The following HCN4 variants were observed in gnomAD, a reference collection of about 807,000 sequenced individuals.
HCN4 encodes potassium/sodium hyperpolarization-activated cyclic nucleotide-gated channel 4.
In HCN4, 29 loss-of-function variants were observed where a neutral mutation model predicts 76.9. That is an observed-to-expected ratio of 0.38 (90% CI 0.28 to 0.51). The LOEUF is 0.51. Among genes scored for constraint, HCN4 ranks in the 20% least tolerant of loss-of-function variants. The pLI, the probability that HCN4 is intolerant of heterozygous loss-of-function variation, is 0.90. For missense variants in HCN4, 1,416 were observed against 1,715.2 expected, an observed-to-expected ratio of 0.83 and a Z score of 3.08; for synonymous variants, 772 against 762.5, an observed-to-expected ratio of 1.01 and a Z score of -0.21.
At chr15:73,324,059 C>G (rs1386887445) in intron 7 of HCN4, 30 bp downstream of exon 7, 2 of 1,610,322 alleles carry the variant, frequency 1.2e-6, no homozygotes, top group East Asian at 4.5e-5. Context: ...ACACCCCCCA[C>G]CTGCCCCGCC....
In HCN4 at chr15:73,322,897, G is replaced by A; in HGVS notation, c.3196C>T (p.Pro1066Ser). The A allele has an allele frequency of 6.9e-7, 1 of 1,439,564 alleles. No individual in the cohort carries two copies. 89.2% of individuals were successfully genotyped at this position (1,439,564 alleles called of 1,614,324 possible). A position where few individuals can be genotyped will look rare whatever the true frequency, so the allele number is the denominator to read the frequency against. Reference sequence around the variant, plus strand: ...AGCGGGGGTGTGCCCCGGCGCTGGGGGACCTGGGGTGGTGGGGGGCTGGAT... The same window carrying A: ...AGCGGGGGTGTGCCCCGGCGCTGGGAGACCTGGGGTGGTGGGGGGCTGGAT... ...PASSPPPPQV[P>S]QRRGTPPLTP... Residue 1066 changes from proline to serine, a missense_variant, in exon 8 of 8, where the codon CCC becomes TCC. Coordinates refer to ENST00000261917, the MANE Select transcript of HCN4 (RefSeq NM_005477.3).
intron 2 of HCN4, among the ~76,000 whole-genome samples, chr15:73,336,531 T>C (rs1286825956): frequency 2.0e-5 from 3 of 152,034 alleles, no homozygotes; most frequent in Admixed American, 1.3e-4. Context: ...GCTGTCTCGG[T>C]CTATCTCTAC....
chr15:73,354,789 A>G (rs2043070475), intron 1 of HCN4, among the ~76,000 whole-genome samples: 1 of 152,154 alleles, frequency 6.6e-6, no homozygotes. Flanking sequence ...CATCATCATC[A>G]TCATCATCAT....
rs746461789 is a variant in HCN4 at position 73,332,199 on chromosome 15, G to A, written c.1303C>T (p.Leu435=). 139 of 1,614,130 alleles carry A rather than the reference G, an allele frequency of 8.6e-5. No individual in the cohort carries two copies. The Middle Eastern group carries it at 9.9e-4, about 11-fold the overall frequency. ...TGTAGCATGGGTACCAGGAACTGCAGGCAGCCGTCCCAGTGGCAGAGCAGG... is the reference window on the plus strand; with the variant it reads ...TGTAGCATGGGTACCAGGAACTGCAAGCAGCCGTCCCAGTGGCAGAGCAGG... ...MLLLCHWDGC[L]QFLVPMLQDF... The change falls in exon 3 of 8, where the codon CTG becomes TTG. Residue 435 remains leucine (L), a synonymous_variant. Transcript: ENST00000261917.
In HCN4 at chr15:73,367,374, G is replaced by A; in HGVS notation, c.785+112C>T. On this transcript the variant is annotated intron_variant, in intron 1 of 7. Transcript: ENST00000261917. This position sits in a 1 kb window ranked among gnomAD's most constrained non-coding sequence, Gnocchi z 7.5. ...AGCCTAGAGGCGCCCTGCCTCTCTT[G>A]GAGCTCCCAGCGCAAGGCAGGAAAG... The A allele has an allele frequency of 6.6e-7, 1 of 1,519,804 alleles. No individual in the cohort carries two copies. Among genetic ancestry groups the A allele is most frequent in the South Asian group, 1.2e-5 (1 of 80,826 alleles). 94.1% of individuals were successfully genotyped at this position (1,519,804 alleles called of 1,614,324 possible).
intron 1 of HCN4, among the ~76,000 whole-genome samples, chr15:73,361,092 T>C (rs536223449): frequency 6.6e-6 from 1 of 152,366 alleles, no homozygotes; most frequent in East Asian, 1.9e-4. Flanking sequence ...TTTAAAAACA[T>C]TGGCTCAGAT....
chr15:73,339,737 A>C (rs2042988574), intron 2 of HCN4, among the ~76,000 whole-genome samples: 1 of 152,136 alleles, frequency 6.6e-6, no homozygotes, highest in Non-Finnish European at 1.5e-5. Context: ...TCTCATGTGG[A>C]CCTAGGGCTC....
intron 4 of HCN4, among the ~76,000 whole-genome samples, chr15:73,327,508 C>G (rs1053934820): frequency 6.6e-6 from 1 of 152,024 alleles, no homozygotes; most frequent in Non-Finnish European, 1.5e-5. Flanking sequence ...ATGCTGAGCC[C>G]CACCCCAGTC....
At chr15:73,351,185 T>G (rs1164360662) in intron 1 of HCN4, among the ~76,000 whole-genome samples, 1 of 152,018 alleles carries the variant, frequency 6.6e-6, no homozygotes, top group Non-Finnish European at 1.5e-5. Context: ...TCTCACTGCC[T>G]CTCCTTTCCC....
At chr15:73,355,909 G>A (rs1285865920) in intron 1 of HCN4, among the ~76,000 whole-genome samples, 1 of 152,200 alleles carries the variant, frequency 6.6e-6, no homozygotes, top group Non-Finnish European at 1.5e-5. Context: ...GAAGATGGGG[G>A]AGGTAACAAG....
chr15:73,367,530 G>A lies in HCN4; in HGVS notation c.741C>T (p.Val247=). The part of the protein sequence containing the change: ...QKAVEREQER[V]KSAGFWIIHP... ...GGATAATCCAAAATCCGGCCGACTT[G>A]ACCCTCTCCTGTTCGCGCTCCACGG... The change falls in exon 1 of 8, where the codon GTC becomes GTT. Residue 247 remains valine (V), a synonymous_variant. Coordinates refer to ENST00000261917, the MANE Select transcript of HCN4 (RefSeq NM_005477.3). This position sits in a 1 kb window ranked among gnomAD's most constrained non-coding sequence, Gnocchi z 7.5. 2 of 1,614,048 alleles carry A rather than the reference G, an allele frequency of 1.2e-6. No homozygotes were observed. The highest frequency in any genetic ancestry group is 1.7e-6 in the Non-Finnish European group (2 of 1,180,020).
Position 73,332,250 on chromosome 15 carries a change from T to A in HCN4, c.1252A>T (p.Ile418Phe). ...TYDLASAVVR[I>F]VNLIGMMLLL... ...AGCATCATGCCGATGAGGTTCACGATGCGCACCACGGCGCTGGCCAGGTCG... is the reference window on the plus strand; with the variant it reads ...AGCATCATGCCGATGAGGTTCACGAAGCGCACCACGGCGCTGGCCAGGTCG... The change falls in exon 3 of 8, where the codon ATC becomes TTC. Residue 418 changes from isoleucine (I) to phenylalanine (F), a missense_variant. Physicochemically the swap from Ile to Phe is conservative, Grantham distance 21. This residue lies in a region of HCN4 where 112 missense variants were observed against 259.9 expected (regional missense o/e 0.43). Coordinates refer to ENST00000261917, the MANE Select transcript of HCN4 (RefSeq NM_005477.3). 6.2e-7 allele frequency: 1 copy of A among 1,614,214 alleles called. No individual in the cohort carries two copies. The highest frequency in any genetic ancestry group is 8.5e-7 in the Non-Finnish European group (1 of 1,180,030).
At chr15:73,357,363 G>A (rs1056815032) in intron 1 of HCN4, among the ~76,000 whole-genome samples, 7 of 152,102 alleles carry the variant, frequency 4.6e-5, no homozygotes, top group South Asian at 2.1e-4. Flanking sequence ...TCTGGGACAC[G>A]TTGAACGGCT....
Position 73,366,437 on chromosome 15 carries a change from A to C in HCN4, c.785+1049T>G, listed in dbSNP as rs75825435. On this transcript the variant is annotated intron_variant, in intron 1 of 7. Coordinates refer to ENST00000261917, the MANE Select transcript of HCN4 (RefSeq NM_005477.3). ...CAGAGAAAGAGAGAATGAGAGAATTAAACCCAGCTTGAAAAGTGTTTCCCA... is the reference window on the plus strand; with the variant it reads ...CAGAGAAAGAGAGAATGAGAGAATTCAACCCAGCTTGAAAAGTGTTTCCCA... 1.8e-3 allele frequency among the ~76,000 whole-genome samples: 281 copies of C among 152,292 alleles called. 1 individual carries two copies. The highest frequency in any genetic ancestry group is 0.014 in the Middle Eastern group (4 of 294).
chr15:73,368,818 C>A lies in HCN4; in HGVS notation c.-548G>T, dbSNP rs1015737209. The stretch of plus-strand genomic sequence containing the variant: ...CCCGTCCCGGGGCTCCCGCCGCAAC[C>A]GAGCGGAGCCCAGCGACCCGCCGGG... On this transcript the variant is annotated 5_prime_UTR_variant, in exon 1 of 8. Coordinates refer to ENST00000261917, the MANE Select transcript of HCN4 (RefSeq NM_005477.3). The surrounding 1 kb of genome is among the most constrained non-coding windows in gnomAD (Gnocchi z 6.9). The A allele has an allele frequency of 2.0e-5, 3 of 152,128 alleles. No individual in the cohort carries two copies. The highest frequency in any genetic ancestry group is 4.4e-5 in the Non-Finnish European group (3 of 68,010). The allele number at this position is 152,128 out of a possible 1,614,324, so 9.4% of individuals were successfully genotyped here.
intron 1 of HCN4, among the ~76,000 whole-genome samples, chr15:73,365,790 CA>C (rs1391599747): frequency 1.3e-5 from 2 of 152,158 alleles, no homozygotes; most frequent in Non-Finnish European, 2.9e-5. Context: ...TTTCTGACAA[CA>C]AAAACAGCAG....
chr15:73,341,072 GTGT>G (rs1567784618), intron 2 of HCN4: 13 of 20,374 alleles, frequency 6.4e-4, no homozygotes, highest in Middle Eastern at 0.05. Context: ...GGAGGTAGGT[GTGT>G]GTGTGTGTGT....
intron 1 of HCN4, among the ~76,000 whole-genome samples, chr15:73,348,595 A>G (rs1277969900): frequency 6.6e-6 from 1 of 152,230 alleles, no homozygotes; most frequent in Non-Finnish European, 1.5e-5. Context: ...TGTCATTAAA[A>G]TATTTTCCAC....
intron 2 of HCN4, among the ~76,000 whole-genome samples, chr15:73,336,810 C>T (rs999266340): frequency 5.9e-5 from 9 of 152,150 alleles, no homozygotes; most frequent in Admixed American, 3.9e-4. Flanking sequence ...CACTCTCAAC[C>T]AAGCAGCTAG....
Sources: allele counts gnomAD v4.1 joint callset (sites outside exome capture counted in the v4.1 genomes callset), GRCh38; gene constraint gnomAD v4.1.1; regional missense constraint gnomAD v4.1.1; non-coding constraint Gnocchi (gnomAD v3.1); transcripts MANE v1.5; gene names NCBI Gene and HGNC (gene_info 2026-07-23, HGNC 2026-07-21).